NUP93: variants seen among roughly 807,000 people sequenced by gnomAD.
NUP93 encodes the protein nuclear pore complex protein Nup93.
In NUP93, 55 loss-of-function variants were observed where a neutral mutation model predicts 107.8. That is an observed-to-expected ratio of 0.51 (90% CI 0.41 to 0.64). NUP93 has a LOEUF of 0.64. NUP93 is among the 30% of genes least tolerant of loss of function. The pLI is 0.00. For synonymous variants in NUP93, 390 were observed against 397.5 expected (o/e 0.98, Z 0.22); for missense variants, 937 against 1,044.7 (o/e 0.90, Z 1.42).
intron 2 of NUP93, among the ~76,000 whole-genome samples, chr16:56,754,475 C>T (rs1013651070): frequency 9.9e-5 from 15 of 152,240 alleles, no homozygotes; most frequent in Non-Finnish European, 1.9e-4. Flanking sequence ...GCCTATGAGC[C>T]TGTAAGACCA....
intron 3 of NUP93, among the ~76,000 whole-genome samples, chr16:56,791,645 C>G (rs552474698): frequency 6.6e-6 from 1 of 152,334 alleles, no homozygotes; most frequent in South Asian, 2.1e-4. Context: ...CTTTCTTGAC[C>G]TGAGCCATTT....
chr16:56,780,107 A>G (rs1216349776), intron 3 of NUP93, among the ~76,000 whole-genome samples: 2 of 152,116 alleles, frequency 1.3e-5, no homozygotes, highest in African/African-American at 4.8e-5. Context: ...GTTAATTTCA[A>G]AGCTACCCTC....
At chr16:56,772,796 C>T (rs2144506621) in intron 3 of NUP93, among the ~76,000 whole-genome samples, 1 of 152,352 alleles carries the variant, frequency 6.6e-6, no homozygotes, top group East Asian at 1.9e-4. Flanking sequence ...TTGCCTGAAG[C>T]CTCTGCTAAT....
chr16:56,834,084 GA>G (rs776086584), intron 13 of NUP93, 43 bp from the exon 14 acceptor site: 62 of 1,610,056 alleles, frequency 3.9e-5, no homozygotes, highest in Non-Finnish European at 4.8e-5. Flanking sequence ...GCATGGGTCA[GA>G]GGGGCAGTGT....
At position 56,748,223 on chromosome 16, in the gene NUP93, C is replaced by T. The variant is rs2144456615; in HGVS notation, c.-14-11C>T. 1 of 1,546,988 alleles carries T rather than the reference C, an allele frequency of 6.5e-7. No individual in the cohort carries two copies. Among genetic ancestry groups the T allele is most frequent in the Non-Finnish European group, 8.8e-7 (1 of 1,137,772 alleles). Reference sequence around the variant, plus strand: ...CTTGATTTAGATCTTTTCATTTTTTCTCCCATCTAGGATCTGCATCTCCAA... The same window carrying T: ...CTTGATTTAGATCTTTTCATTTTTTTTCCCATCTAGGATCTGCATCTCCAA... On this transcript the variant is annotated splice_polypyrimidine_tract_variant and intron_variant, in intron 1 of 21. Transcript: ENST00000308159.
intron 1 of NUP93, among the ~76,000 whole-genome samples, chr16:56,737,391 A>G (rs950843443): frequency 2.0e-5 from 3 of 152,164 alleles, no homozygotes; most frequent in Admixed American, 6.5e-5. Context: ...ATCTGAGTCT[A>G]ATTACTTCCC....
intron 4 of NUP93, among the ~76,000 whole-genome samples, chr16:56,803,714 G>A (rs1056187395): frequency 2.6e-5 from 4 of 150,958 alleles, no homozygotes; most frequent in Admixed American, 6.6e-5. Context: ...ACTTTACACC[G>A]ATTAGGATGG....
chr16:56,799,938 T>C (rs1962984797), intron 4 of NUP93, among the ~76,000 whole-genome samples: 1 of 152,104 alleles, frequency 6.6e-6, no homozygotes, highest in South Asian at 2.1e-4. Flanking sequence ...ATCCCAGCAA[T>C]TTGGGAGGAC....
chr16:56,814,426 G>A (rs563955508), intron 5 of NUP93, among the ~76,000 whole-genome samples: 14 of 152,324 alleles, frequency 9.2e-5, no homozygotes, highest in Admixed American at 6.5e-4. Flanking sequence ...CTGGACTCAA[G>A]TGATCCGCCT....
At chr16:56,748,734 G>A (rs1351138398) in intron 2 of NUP93, among the ~76,000 whole-genome samples, 3 of 152,260 alleles carry the variant, frequency 2.0e-5, no homozygotes, top group East Asian at 3.9e-4. Flanking sequence ...TGGGTTCAAT[G>A]ATCATTGGGT....
intron 2 of NUP93, among the ~76,000 whole-genome samples, chr16:56,757,334 G>A (rs1455475031): frequency 2.0e-5 from 3 of 152,196 alleles, no homozygotes; most frequent in African/African-American, 7.2e-5. Flanking sequence ...AAATTAATGG[G>A]CTGGATGTGG....
At chr16:56,785,280 T>C (rs1190558963) in intron 3 of NUP93, among the ~76,000 whole-genome samples, 1 of 152,182 alleles carries the variant, frequency 6.6e-6, no homozygotes, top group African/African-American at 2.4e-5. Flanking sequence ...CTGGTCTTTT[T>C]TCCTTTTGTT....
chr16:56,835,970 T>C (rs557961499), intron 16 of NUP93, among the ~76,000 whole-genome samples: 1 of 151,948 alleles, frequency 6.6e-6, no homozygotes, highest in South Asian at 2.1e-4. Flanking sequence ...CTATTAAAAA[T>C]ACAAAAAAAT....
chr16:56,732,109 A>C (rs868358124), intron 1 of NUP93, among the ~76,000 whole-genome samples: 4 of 152,266 alleles, frequency 2.6e-5, no homozygotes, highest in African/African-American at 9.6e-5. Flanking sequence ...CACTTCTTCC[A>C]GGTCTTCACT....
At chr16:56,735,498 C>G (rs1489758410) in intron 1 of NUP93, among the ~76,000 whole-genome samples, 1 of 152,136 alleles carries the variant, frequency 6.6e-6, no homozygotes, top group Non-Finnish European at 1.5e-5. Context: ...TGGATGGATC[C>G]CTGTGAATGG....
At chr16:56,769,498 C>CT (rs1247441020) in intron 3 of NUP93, among the ~76,000 whole-genome samples, 23 of 151,904 alleles carry the variant, frequency 1.5e-4, no homozygotes, top group East Asian at 5.8e-4. Flanking sequence ...CAGGTGCTTG[C>CT]TTTTTTTTGC....
At chr16:56,779,744 A>G (rs1201717545) in intron 3 of NUP93, among the ~76,000 whole-genome samples, 2 of 152,250 alleles carry the variant, frequency 1.3e-5, no homozygotes, top group African/African-American at 2.4e-5. Flanking sequence ...TCTAGCATAA[A>G]GAAATACCCT....
chr16:56,780,129 T>G (rs1209659118), intron 3 of NUP93, among the ~76,000 whole-genome samples: 8 of 152,208 alleles, frequency 5.3e-5, no homozygotes, highest in African/African-American at 1.9e-4. Context: ...ACACACACGT[T>G]TCTCCCTCCC....
chr16:56,768,882 T>A (rs1189169858), intron 3 of NUP93, among the ~76,000 whole-genome samples: 7 of 111,150 alleles, frequency 6.3e-5, no homozygotes, highest in Admixed American at 9.0e-5. Flanking sequence ...AAAAAAAAAA[T>A]TGACTTTTGT....
Sources: gnomAD v4.1 joint callset for allele counts (sites outside exome capture counted in the v4.1 genomes callset) on GRCh38, gnomAD v4.1.1 for gene constraint, MANE v1.5 for transcripts, NCBI Gene and HGNC (gene_info 2026-07-23, HGNC 2026-07-21) for gene names.